PDE10A: variants seen among roughly 807,000 people sequenced by gnomAD.
PDE10A encodes the protein cAMP and cAMP-inhibited cGMP 3',5'-cyclic phosphodiesterase 10A.
PDE10A carries 39 observed loss-of-function variants against 97.7 expected under a neutral mutation model. That is an observed-to-expected ratio of 0.40 (90% CI 0.31 to 0.52). The LOEUF (loss-of-function observed/expected upper bound fraction) is 0.52. Ranked by LOEUF, PDE10A falls within the 20% of genes least tolerant of loss-of-function variation. The pLI, the probability that PDE10A is intolerant of heterozygous loss-of-function variation, is 0.56. For missense variants in PDE10A, 731 were observed against 1,047.8 expected (o/e 0.70, Z 4.17); for synonymous variants, 371 against 376.8 (o/e 0.98, Z 0.18).
intron 13 of PDE10A, among the ~76,000 whole-genome samples, chr6:165,397,723 A>AAAG (rs57074434): frequency 6.7e-6 from 1 of 148,190 alleles, no homozygotes; most frequent in African/African-American, 2.4e-5. Context: ...AAAAAAAAAA[A>AAAG]GAATGAAGCT....
At chr6:165,712,631 CTTTTTTTTTT>C (rs71675206) in intron 1 of PDE10A, among the ~76,000 whole-genome samples, 8 of 88,950 alleles carry the variant, frequency 9.0e-5, no homozygotes, top group Admixed American at 8.9e-4. Context: ...AACTTTCTTT[CTTTTTTTTTT>C]TTTTTTTTTT....
At chr6:165,548,924 C>T (rs961487837) in intron 1 of PDE10A, among the ~76,000 whole-genome samples, 9 of 152,274 alleles carry the variant, frequency 5.9e-5, no homozygotes, top group East Asian at 3.9e-4. Flanking sequence ...AGTATTACTA[C>T]GAAACCATAT....
At chr6:165,686,389 T>G (rs930546531) in intron 1 of PDE10A, among the ~76,000 whole-genome samples, 2 of 152,328 alleles carry the variant, frequency 1.3e-5, no homozygotes, top group Admixed American at 6.5e-5. Context: ...TTCCCCGTTC[T>G]CCTCTTTGCA....
In PDE10A at chr6:165,525,701, A is replaced by G. The variant is rs149587054; in HGVS notation, c.994+17739T>C. On this transcript the variant is annotated intron_variant, in intron 2 of 21. Coordinates refer to ENST00000539869, the MANE Select transcript of PDE10A (RefSeq NM_001385079.1). ...AATACCAAATTTAAATACAATGGAA[A>G]TAACTGGATCCCAAGGTGGCAGGGG... Among the ~76,000 whole-genome samples, 1,111 of 152,276 alleles carry G rather than the reference A, an allele frequency of 7.3e-3. 21 individuals are homozygous for G. The South Asian group carries it at 0.073, about 10-fold the overall frequency.
At chr6:165,824,724 T>A (rs920943599) in intron 1 of PDE10A, among the ~76,000 whole-genome samples, 3 of 152,154 alleles carry the variant, frequency 2.0e-5, no homozygotes, top group Non-Finnish European at 4.4e-5. Flanking sequence ...GGCAGCTTCA[T>A]GTCATGTTTT....
At chr6:165,669,700 T>C (rs937892333) in intron 1 of PDE10A, among the ~76,000 whole-genome samples, 3 of 152,190 alleles carry the variant, frequency 2.0e-5, no homozygotes, top group South Asian at 2.1e-4. Context: ...CCTATCTGTA[T>C]AGAGATTTCC....
intron 7 of PDE10A, among the ~76,000 whole-genome samples, chr6:165,432,727 AC>A: frequency 6.6e-6 from 1 of 152,274 alleles, no homozygotes; most frequent in East Asian, 1.9e-4. Context: ...AGTACAGCAT[AC>A]CTTTTATTGT....
At chr6:165,452,420 G>A (rs1465100686) in intron 3 of PDE10A, among the ~76,000 whole-genome samples, 1 of 152,240 alleles carries the variant, frequency 6.6e-6, no homozygotes, top group Non-Finnish European at 1.5e-5. Context: ...CAAGTGTTGA[G>A]AGGTGGGACC....
intron 1 of PDE10A, among the ~76,000 whole-genome samples, chr6:165,770,641 C>T (rs1777979603): frequency 1.3e-5 from 2 of 152,158 alleles, no homozygotes. Context: ...GCCTGGGGAG[C>T]GACTCAAGAA....
At chr6:165,470,797 G>T (rs1474555972) in intron 3 of PDE10A, among the ~76,000 whole-genome samples, 1 of 151,890 alleles carries the variant, frequency 6.6e-6, no homozygotes, top group Admixed American at 6.6e-5. Context: ...TAAAGACTCT[G>T]TTTAGACCAT....
chr6:165,905,227 G>C (rs370149005), intron 1 of PDE10A, among the ~76,000 whole-genome samples: 4 of 152,046 alleles, frequency 2.6e-5, no homozygotes, highest in Admixed American at 6.6e-5. Context: ...ACCAATTCAG[G>C]AAATTTACTT....
At chr6:165,887,844 T>C (rs991093952) in intron 1 of PDE10A, among the ~76,000 whole-genome samples, 2 of 152,210 alleles carry the variant, frequency 1.3e-5, no homozygotes, top group African/African-American at 2.4e-5. Context: ...AGAGTGATCA[T>C]TTTTAAATTC....
At chr6:165,854,342 C>T (rs775416134) in intron 1 of PDE10A, among the ~76,000 whole-genome samples, 4 of 152,102 alleles carry the variant, frequency 2.6e-5, no homozygotes, top group African/African-American at 7.2e-5. Flanking sequence ...CCCAGGGACT[C>T]GAGCAGGTGG....
chr6:165,542,935 A>G lies in PDE10A; in HGVS notation c.994+505T>C, dbSNP rs530783827. ...GCCCAGCCAATATACTTGTTCTTTT[A>G]CTGAAAGTTTACTGACAACAAATCT... is the stretch of plus-strand genomic sequence containing the variant. On this transcript the variant is annotated intron_variant, in intron 2 of 21. Coordinates refer to ENST00000539869, the MANE Select transcript of PDE10A (RefSeq NM_001385079.1). Among the ~76,000 whole-genome samples, 10 of 152,146 alleles carry G rather than the reference A, an allele frequency of 6.6e-5. No homozygotes were observed. In the East Asian group the frequency reaches 1.7e-3, roughly 27 times the overall value.
At chr6:165,792,073 G>A (rs572167532) in intron 1 of PDE10A, among the ~76,000 whole-genome samples, 2 of 152,266 alleles carry the variant, frequency 1.3e-5, no homozygotes, top group African/African-American at 2.4e-5. Context: ...GCTCCTGCCC[G>A]ACGTTGTGGT....
At chr6:165,504,899 C>T (rs537078294) in intron 2 of PDE10A, among the ~76,000 whole-genome samples, 1 of 152,246 alleles carries the variant, frequency 6.6e-6, no homozygotes, top group South Asian at 2.1e-4. Context: ...TGTACTATTA[C>T]TAAGGTGAGA....
intron 1 of PDE10A, among the ~76,000 whole-genome samples, chr6:165,801,125 A>T (rs1480066537): frequency 3.3e-5 from 5 of 152,240 alleles, no homozygotes; most frequent in Admixed American, 1.3e-4. Flanking sequence ...TTCCATCTGC[A>T]GCGAACTTGT....
At chr6:165,453,577 TC>T (rs1269593716) in intron 3 of PDE10A, among the ~76,000 whole-genome samples, 10 of 152,200 alleles carry the variant, frequency 6.6e-5, no homozygotes, top group Admixed American at 3.9e-4. Context: ...CTGCATTCCT[TC>T]ACAATGTGAG....
intron 1 of PDE10A, among the ~76,000 whole-genome samples, chr6:165,963,001 A>G (rs1016024884): frequency 6.6e-6 from 1 of 152,260 alleles, no homozygotes; most frequent in African/African-American, 2.4e-5. Context: ...TGTAATTGCT[A>G]TGATAACCAG....
Sources: gnomAD v4.1 joint callset for allele counts (sites outside exome capture counted in the v4.1 genomes callset) on GRCh38, gnomAD v4.1.1 for gene constraint, MANE v1.5 for transcripts, NCBI Gene and HGNC (gene_info 2026-07-23, HGNC 2026-07-21) for gene names.